Variants in RANBP2 observed in about 807,000 individuals in gnomAD.
RANBP2 encodes E3 SUMO-protein ligase RanBP2.
In RANBP2, 57 loss-of-function variants were observed where a neutral mutation model predicts 303.6. That is an observed-to-expected ratio of 0.19 (90% CI 0.15 to 0.23). RANBP2 has a LOEUF of 0.23. RANBP2 is among the 10% of genes least tolerant of loss of function. The pLI, the probability that RANBP2 is intolerant of heterozygous loss-of-function variation, is 1.00. For synonymous variants in RANBP2, 1,167 were observed against 1,301.5 expected (o/e 0.90, Z 2.23); for missense variants, 3,138 against 3,780.8 (o/e 0.83, Z 4.46).
the RANBP2 span, among the ~76,000 whole-genome samples, chr2:109,767,309 G>A: frequency 1.3e-5 from 2 of 150,008 alleles, no homozygotes; most frequent in African/African-American, 4.9e-5. Flanking sequence ...TGAGTAGAGA[G>A]GTTGGTAGCT....
chr2:109,031,102 T>C, the RANBP2 span, among the ~76,000 whole-genome samples: 8 of 152,096 alleles, frequency 5.3e-5, no homozygotes, highest in Non-Finnish European at 1.0e-4. Flanking sequence ...GGTATTGTGA[T>C]TGGGCAATGG....
chr2:108,871,370 TAAAAAAAAAAA>T, the RANBP2 span, among the ~76,000 whole-genome samples: 1 of 76,672 alleles, frequency 1.3e-5, no homozygotes. Flanking sequence ...CCAACTCTAT[TAAAAAAAAAAA>T]AAAAAAAAAA....
the RANBP2 span, among the ~76,000 whole-genome samples, chr2:109,201,249 G>C: frequency 6.6e-6 from 1 of 152,252 alleles, no homozygotes; most frequent in Non-Finnish European, 1.5e-5. Context: ...ATTTTGCAAA[G>C]TGAAAATTTT....
At chr2:109,248,420 G>A in the RANBP2 span, among the ~76,000 whole-genome samples, 1 of 152,052 alleles carries the variant, frequency 6.6e-6, no homozygotes, top group Non-Finnish European at 1.5e-5. Flanking sequence ...CCTTTTGGTA[G>A]GATAATTAAG....
the RANBP2 span, among the ~76,000 whole-genome samples, chr2:109,347,076 A>G: frequency 6.6e-6 from 1 of 152,282 alleles, no homozygotes; most frequent in Non-Finnish European, 1.5e-5. Context: ...GACGGATGCC[A>G]TGCACGCCTG....
the RANBP2 span, among the ~76,000 whole-genome samples, chr2:108,795,150 A>ATTTTTTTTTTTTTTTT: frequency 5.9e-5 from 5 of 85,040 alleles, no homozygotes; most frequent in Admixed American, 1.8e-4. Flanking sequence ...TCTAAAGTGT[A>ATTTTTTTTTTTTTTTT]TTTTTTTTTT....
the RANBP2 span, among the ~76,000 whole-genome samples, chr2:109,386,615 G>T: frequency 6.6e-6 from 1 of 152,062 alleles, no homozygotes; most frequent in Admixed American, 6.5e-5. Context: ...GTTTGGGCCC[G>T]GCTAATCCCT....
the RANBP2 span, among the ~76,000 whole-genome samples, chr2:109,620,954 G>A: frequency 2.6e-5 from 4 of 152,164 alleles, no homozygotes; most frequent in Non-Finnish European, 5.9e-5. Flanking sequence ...TTGGAAATGT[G>A]TCAGAGGTTG....
chr2:108,811,866 A>G, the RANBP2 span, among the ~76,000 whole-genome samples: 26 of 152,280 alleles, frequency 1.7e-4, no homozygotes, highest in Admixed American at 1.7e-3. Context: ...GAGAACATAC[A>G]GTATTTAATT....
chr2:108,902,348 C>T, the RANBP2 span, among the ~76,000 whole-genome samples: 1 of 152,136 alleles, frequency 6.6e-6, no homozygotes, highest in Non-Finnish European at 1.5e-5. Context: ...TGCACTCCAG[C>T]CTGGGTGACA....
the RANBP2 span, among the ~76,000 whole-genome samples, chr2:109,115,492 C>T: frequency 6.6e-6 from 1 of 152,270 alleles, no homozygotes; most frequent in East Asian, 1.9e-4. Context: ...GGTAGATCTT[C>T]CTCCATCCTT....
At chr2:109,170,871 C>T in the RANBP2 span, among the ~76,000 whole-genome samples, 2 of 152,186 alleles carry the variant, frequency 1.3e-5, no homozygotes, top group Non-Finnish European at 2.9e-5. Context: ...AGCTACCTTG[C>T]GTCACCTTCC....
chr2:109,191,651 A>G, the RANBP2 span, among the ~76,000 whole-genome samples: 1 of 152,110 alleles, frequency 6.6e-6, no homozygotes, highest in Non-Finnish European at 1.5e-5. Context: ...CAATAATTGG[A>G]GCCACTTGCC....
the RANBP2 span, among the ~76,000 whole-genome samples, chr2:109,703,889 T>C: frequency 6.6e-6 from 1 of 152,358 alleles, no homozygotes; most frequent in Non-Finnish European, 1.5e-5. Context: ...TACCTGTTGA[T>C]GAGGTCCACA....
At chr2:109,334,242 C>T in the RANBP2 span, among the ~76,000 whole-genome samples, 1 of 151,266 alleles carries the variant, frequency 6.6e-6, no homozygotes, top group African/African-American at 2.4e-5. Context: ...CCTGTAGTCT[C>T]AGCTACTCGA....
the RANBP2 span, chr2:109,614,729 G>C: frequency 2.0e-5 from 30 of 1,490,252 alleles, 1 homozygote; most frequent in South Asian, 3.5e-4. Context: ...TGCACCTCAA[G>C]AAGAGGTTCT....
the RANBP2 span, among the ~76,000 whole-genome samples, chr2:108,965,901 A>C: frequency 6.6e-6 from 1 of 151,894 alleles, no homozygotes; most frequent in Admixed American, 6.6e-5. Context: ...AGGCAAAGAA[A>C]TATTTCCTGA....
the RANBP2 span, among the ~76,000 whole-genome samples, chr2:109,406,406 C>G: frequency 6.6e-6 from 1 of 152,054 alleles, no homozygotes; most frequent in African/African-American, 2.4e-5. Flanking sequence ...GTGCCCAGGT[C>G]CATCACTGAG....
chr2:109,341,042 T>A, the RANBP2 span, among the ~76,000 whole-genome samples: 1 of 152,242 alleles, frequency 6.6e-6, no homozygotes, highest in Admixed American at 6.5e-5. Flanking sequence ...CTCGTCACCC[T>A]GTGTTTGAAG....
Sources: allele counts gnomAD v4.1 joint callset (sites outside exome capture counted in the v4.1 genomes callset), GRCh38; gene constraint gnomAD v4.1.1; transcripts MANE v1.5; gene names NCBI Gene and HGNC (gene_info 2026-07-23, HGNC 2026-07-21).